The following VIPR2 variants were observed in gnomAD, a reference collection of about 807,000 sequenced individuals.
VIPR2 encodes vasoactive intestinal polypeptide receptor 2.
VIPR2 carries 48 observed loss-of-function variants against 58.0 expected under a neutral mutation model. The observed-to-expected ratio is 0.83, with a 90% CI of 0.66 to 1.05. The LOEUF (loss-of-function observed/expected upper bound fraction) is 1.05. Ranked by LOEUF, VIPR2 falls within the 50% of genes least tolerant of loss-of-function variation. The pLI is 0.00. For missense variants in VIPR2, 534 were observed against 558.0 expected (o/e 0.96, Z 0.43); for synonymous variants, 243 against 235.2 (o/e 1.03, Z -0.30).
At chr7:159,036,421 G>T (rs190916696) in intron 7 of VIPR2, among the ~76,000 whole-genome samples, 1 of 152,224 alleles carries the variant, frequency 6.6e-6, no homozygotes, top group East Asian at 1.9e-4. Context: ...CCGCTACCTG[G>T]TGTGCCTCTC....
intron 4 of VIPR2, among the ~76,000 whole-genome samples, chr7:159,084,930 C>G (rs529107820): frequency 1.3e-5 from 2 of 152,348 alleles, no homozygotes; most frequent in African/African-American, 2.4e-5. Flanking sequence ...CCACTGCAAT[C>G]TTTTCCAAGG....
chr7:159,111,316 C>G (rs1001297286), intron 2 of VIPR2, among the ~76,000 whole-genome samples: 7 of 152,208 alleles, frequency 4.6e-5, no homozygotes, highest in South Asian at 2.1e-4. Context: ...AAACAGCAAG[C>G]TCTGGCAGTT....
chr7:159,142,560 A>G lies in VIPR2; in HGVS notation c.52-15T>C, dbSNP rs923572338. On this transcript the variant is annotated splice_polypyrimidine_tract_variant and intron_variant, in intron 1 of 12. Coordinates refer to ENST00000262178, the MANE Select transcript of VIPR2 (RefSeq NM_003382.5). ...ATGCTGTTCACCTGTTCACGGTTAA[A>G]AGAAATATTAATAACTAAAAATTCC... is the stretch of plus-strand genomic sequence containing the variant. The G allele has an allele frequency of 6.3e-7, 1 of 1,577,842 alleles. No individual in the cohort carries two copies. Among genetic ancestry groups the G allele is most frequent in the Non-Finnish European group, 8.7e-7 (1 of 1,153,778 alleles).
intron 5 of VIPR2, 42 bp downstream of exon 5, chr7:159,058,439 T>C: frequency 1.9e-6 from 3 of 1,576,092 alleles, no homozygotes; most frequent in Non-Finnish European, 2.6e-6. Context: ...AAACTTTGCT[T>C]GTCTTGTATT....
intron 4 of VIPR2, among the ~76,000 whole-genome samples, chr7:159,080,212 TC>T (rs1237638566): frequency 6.6e-6 from 1 of 151,924 alleles, no homozygotes; most frequent in African/African-American, 2.4e-5. Flanking sequence ...GATGCAAAAA[TC>T]CTCAATAAAA....
chr7:159,063,810 G>A (rs1416285586), intron 4 of VIPR2, among the ~76,000 whole-genome samples: 65 of 117,400 alleles, frequency 5.5e-4, no homozygotes, highest in African/African-American at 2.0e-3. Context: ...GGGGTCCGGG[G>A]GTCCTGGTGG....
At chr7:159,071,704 A>C (rs540374832) in intron 4 of VIPR2, among the ~76,000 whole-genome samples, 5 of 152,254 alleles carry the variant, frequency 3.3e-5, no homozygotes, top group Non-Finnish European at 7.3e-5. Flanking sequence ...TAGAATTCAT[A>C]ATATACAAAG....
intron 2 of VIPR2, among the ~76,000 whole-genome samples, chr7:159,138,248 A>G (rs1797310154): frequency 6.6e-6 from 1 of 152,222 alleles, no homozygotes; most frequent in Non-Finnish European, 1.5e-5. Context: ...ATTTGTGGAC[A>G]CTGTCTGGTT....
intron 2 of VIPR2, among the ~76,000 whole-genome samples, chr7:159,125,240 C>A (rs1320264377): frequency 6.6e-6 from 1 of 152,202 alleles, no homozygotes; most frequent in East Asian, 1.9e-4. Context: ...CAGTGAACCA[C>A]GGACATTTTC....
chr7:159,083,756 T>G (rs1486033922), intron 4 of VIPR2, among the ~76,000 whole-genome samples: 1 of 152,218 alleles, frequency 6.6e-6, no homozygotes, highest in African/African-American at 2.4e-5. Context: ...AAGCAACATT[T>G]GGAAGAGAAC....
intron 6 of VIPR2, among the ~76,000 whole-genome samples, chr7:159,037,282 C>A (rs1854031850): frequency 6.6e-6 from 1 of 152,236 alleles, no homozygotes; most frequent in Admixed American, 6.5e-5. Flanking sequence ...CACGGGAACC[C>A]CCGCAGTGGT....
At chr7:159,137,232 A>C (rs1797267681) in intron 2 of VIPR2, among the ~76,000 whole-genome samples, 1 of 152,240 alleles carries the variant, frequency 6.6e-6, no homozygotes, top group Non-Finnish European at 1.5e-5. Flanking sequence ...CCATTAGTGC[A>C]CTTCTGAGTG....
In VIPR2 at chr7:159,042,922, A is replaced by G. The variant is rs952441632; in HGVS notation, c.597+113T>C. ...CCAGGCTCTCTGTTTCTCAGCCATG[A>G]CCCTGTGCCCTGACAGGAACCCTGC... On this transcript the variant is annotated intron_variant, in intron 6 of 12. Coordinates refer to ENST00000262178, the MANE Select transcript of VIPR2 (RefSeq NM_003382.5). The G allele has an allele frequency of 2.9e-6, 4 of 1,372,734 alleles. No homozygotes were observed. The African/African-American group carries it at 5.9e-5, about 20-fold the overall frequency. 85.0% of individuals were successfully genotyped at this position (1,372,734 alleles called of 1,614,324 possible).
Position 159,097,153 on chromosome 7 carries a change from C to G in VIPR2, c.357+6604G>C. 6.9e-7 allele frequency: 1 copy of G among 1,454,644 alleles called. No individual in the cohort carries two copies. The highest frequency in any genetic ancestry group is 9.1e-7 in the Non-Finnish European group (1 of 1,097,984). 90.1% of individuals were successfully genotyped at this position (1,454,644 alleles called of 1,614,324 possible). A position where few individuals can be genotyped will look rare whatever the true frequency, so the allele number is the denominator to read the frequency against. The stretch of plus-strand genomic sequence containing the variant: ...CCTCCCACAAAGGCATCTGCAGTGC[C>G]AGCTGCTGTGATCTTTGTCACCAGG... On this transcript the variant is annotated intron_variant, in intron 4 of 12. Transcript: ENST00000262178. This position sits in a 1 kb window ranked among gnomAD's most constrained non-coding sequence, Gnocchi z 5.3.
chr7:159,031,383 T>C lies in VIPR2; in HGVS notation c.1143+445A>G, dbSNP rs1304616387. The stretch of plus-strand genomic sequence containing the variant: ...TGGAGCAGCCCGGAGACAGCCTCCC[T>C]GGCTGGGAATGAACGCAGGGCAGAG... On this transcript the variant is annotated intron_variant, in intron 12 of 12. Coordinates refer to ENST00000262178, the MANE Select transcript of VIPR2 (RefSeq NM_003382.5). This position sits in a 1 kb window ranked among gnomAD's most constrained non-coding sequence, Gnocchi z 4.0. 5 of 965,700 alleles carry C rather than the reference T, an allele frequency of 5.2e-6. No individual in the cohort carries two copies. Among genetic ancestry groups the C allele is most frequent in the South Asian group, 9.6e-5 (2 of 20,896 alleles). The allele number at this position is 965,700 out of a possible 1,614,324, so 59.8% of individuals were successfully genotyped here.
At chr7:159,088,708 A>G (rs917992) in intron 4 of VIPR2, among the ~76,000 whole-genome samples, 60,951 of 152,186 alleles carry the variant, frequency 0.4, 15,089 homozygotes, top group African/African-American at 0.71. Context: ...CAGCGGTGGC[A>G]GCACGGCCTG....
intron 2 of VIPR2, among the ~76,000 whole-genome samples, chr7:159,131,296 T>C (rs946049546): frequency 1.3e-5 from 2 of 150,958 alleles, no homozygotes; most frequent in African/African-American, 2.5e-5. Context: ...AAACTCTTTA[T>C]GCCAAAGGAA....
intron 2 of VIPR2, chr7:159,116,917 G>A (rs953472453): frequency 1.0e-5 from 2 of 191,020 alleles, no homozygotes; most frequent in African/African-American, 4.7e-5. Flanking sequence ...CGTTATAGGT[G>A]TTACTTTGAG....
chr7:159,062,764 C>T (rs1585393421), intron 4 of VIPR2, among the ~76,000 whole-genome samples: 1 of 152,196 alleles, frequency 6.6e-6, no homozygotes, highest in African/African-American at 2.4e-5. Context: ...CTACAGGCTC[C>T]GGCCGCCTGC....
Sources: allele counts gnomAD v4.1 joint callset (sites outside exome capture counted in the v4.1 genomes callset), GRCh38; gene constraint gnomAD v4.1.1; non-coding constraint Gnocchi (gnomAD v3.1); transcripts MANE v1.5; gene names NCBI Gene and HGNC (gene_info 2026-07-23, HGNC 2026-07-21).